Variants in M1AP observed in about 807,000 individuals in gnomAD.
M1AP encodes meiosis 1 arrest protein.
A neutral mutation model predicts 51.2 loss-of-function variants in M1AP; 39 were observed. The observed-to-expected ratio is 0.76, with a 90% confidence interval of 0.59 to 1.00. The LOEUF (loss-of-function observed/expected upper bound fraction) is 1.00. Among genes scored for constraint, M1AP ranks in the 50% least tolerant of loss-of-function variants. The pLI is 0.00. For missense variants in M1AP, 545 were observed against 641.2 expected (o/e 0.85, Z 1.62); for synonymous variants, 251 against 249.2 (o/e 1.01, Z -0.07).
chr2:74,582,873 T>C (rs915191958), intron 4 of M1AP, among the ~76,000 whole-genome samples: 2 of 151,964 alleles, frequency 1.3e-5, no homozygotes, highest in African/African-American at 4.8e-5. Context: ...ATATAAAAAT[T>C]AGCCAGGTGT....
intron 2 of M1AP, chr2:74,619,434 C>A: frequency 6.3e-6 from 1 of 158,098 alleles, no homozygotes; most frequent in East Asian, 1.7e-4. Flanking sequence ...AAAGGATGCT[C>A]TGAGGGAGCA....
intron 4 of M1AP, among the ~76,000 whole-genome samples, chr2:74,595,420 T>C (rs774404317): frequency 9.2e-5 from 14 of 152,156 alleles, no homozygotes; most frequent in Non-Finnish European, 1.9e-4. Flanking sequence ...GGCATGATCA[T>C]GGCTCACTGC....
At chr2:74,577,147 T>A (rs1289818380) in intron 5 of M1AP, among the ~76,000 whole-genome samples, 1 of 152,142 alleles carries the variant, frequency 6.6e-6, no homozygotes, top group African/African-American at 2.4e-5. Flanking sequence ...TGTGGGCTCG[T>A]TCAGGGACAT....
At chr2:74,576,315 T>A in intron 6 of M1AP, 141 bp downstream of exon 6, 1 of 876,474 alleles carries the variant, frequency 1.1e-6, no homozygotes. Context: ...TGCTTCCTCA[T>A]GCCATAGCTG....
chr2:74,630,321 T>TA (rs1191806363), intron 2 of M1AP, among the ~76,000 whole-genome samples: 1 of 152,208 alleles, frequency 6.6e-6, no homozygotes, highest in East Asian at 1.9e-4. Flanking sequence ...CAATGCACCT[T>TA]AAAAAAATTT....
chr2:74,558,575 C>G lies in M1AP; in HGVS notation c.*141G>C, dbSNP rs1677667429. ...GGAGTGGGACAGCACTGAAACAGGA[C>G]AGGAAGGCTGTTGTTTCCCAGTCAG... On this transcript the variant is annotated 3_prime_UTR_variant, in exon 11 of 11. Transcript: ENST00000421985. 1.1e-6 allele frequency: 1 copy of G among 947,146 alleles called. No homozygotes were observed. The highest frequency in any genetic ancestry group is 1.7e-5 in the African/African-American group (1 of 58,992). The allele number at this position is 947,146 out of a possible 1,614,324, so 58.7% of individuals were successfully genotyped here.
rs147344579 is a variant in M1AP, at chr2:74,564,011, C to T, written c.1075-1588G>A. Among the ~76,000 whole-genome samples, 433 of 152,238 alleles carry T rather than the reference C, an allele frequency of 2.8e-3. 3 individuals carry two copies. The highest frequency in any genetic ancestry group is 3.5e-3 in the African/African-American group (147 of 41,540). On this transcript the variant is annotated intron_variant, in intron 7 of 10. Transcript: ENST00000421985. Reference sequence around the variant, plus strand: ...GATCTTCAGTTACATCTGGTACAAACCGTAACAACCTCCCTGCTACATAAG... The same window carrying T: ...GATCTTCAGTTACATCTGGTACAAATCGTAACAACCTCCCTGCTACATAAG...
In M1AP at chr2:74,640,101, TG is replaced by T; in HGVS notation, c.174del (p.Ser59AlafsTer24). Reference sequence around the variant, plus strand: ...TATAAACTGAACAGGGACATGCGGCTGGGGCCCATCAAGCTGCAGGCTAGAG... The same window carrying T: ...TATAAACTGAACAGGGACATGCGGCTGGGCCCATCAAGCTGCAGGCTAGAG... ...FFSLACSLMGPSRMSLFSLYM... is the reference protein window; with the variant it reads ...FFSLACSLMGXSRMSLFSLYM... On this transcript the variant is annotated frameshift_variant, in exon 2 of 11. Coordinates refer to ENST00000421985, the MANE Select transcript of M1AP (RefSeq NM_001321739.2). LOFTEE classifies it high-confidence loss of function. The T allele has an allele frequency of 6.2e-7, 1 of 1,614,190 alleles. No individual in the cohort carries two copies. The highest frequency in any genetic ancestry group is 8.5e-7 in the Non-Finnish European group (1 of 1,180,030).
intron 1 of M1AP, among the ~76,000 whole-genome samples, chr2:74,646,252 A>C (rs1469766733): frequency 1.3e-5 from 2 of 152,204 alleles, no homozygotes; most frequent in Non-Finnish European, 2.9e-5. Context: ...TAAAAACAAA[A>C]ACTGAAAGAG....
At chr2:74,584,101 C>A (rs1679566074) in intron 4 of M1AP, among the ~76,000 whole-genome samples, 1 of 152,020 alleles carries the variant, frequency 6.6e-6, no homozygotes, top group African/African-American at 2.4e-5. Context: ...TATATAAAGT[C>A]ATTGCCAAAA....
rs767390821 is a variant in M1AP, at chr2:74,607,250, G to C, written c.427-27C>G. On this transcript the variant is annotated intron_variant, in intron 3 of 10. Coordinates refer to ENST00000421985, the MANE Select transcript of M1AP (RefSeq NM_001321739.2). ...TGAAAATAAATCCAAGAATCAATGT[G>C]TCTATTCTCCCTGATGTACAGAGTG... 2.5e-6 allele frequency: 4 copies of C among 1,608,520 alleles called. No individual in the cohort carries two copies. In the African/African-American group the frequency reaches 5.3e-5, roughly 21 times the overall value.
Position 74,576,535 on chromosome 2 carries a change from C to T in M1AP, c.853G>A (p.Asp285Asn), listed in dbSNP as rs753051076. The T allele has an allele frequency of 2.5e-6, 4 of 1,613,996 alleles. No individual in the cohort carries two copies. Among genetic ancestry groups the T allele is most frequent in the South Asian group, 1.1e-5 (1 of 91,076 alleles). ...AGTGTGATGAAGTCTCCTTTAGGGT[C>T]ATCCATTCTCAAGGAGCCGTCAGCT... ...GTADGSLRMDDPKGDFITLYQ... is the reference protein window; with the variant it reads ...GTADGSLRMDNPKGDFITLYQ... Residue 285 changes from aspartate to asparagine, a missense_variant, in exon 6 of 11, where the codon GAC (aspartate) becomes AAC (asparagine). Coordinates refer to ENST00000421985, the MANE Select transcript of M1AP (RefSeq NM_001321739.2).
chr2:74,570,647 AG>A (rs1287523489), intron 7 of M1AP, among the ~76,000 whole-genome samples: 1 of 152,236 alleles, frequency 6.6e-6, no homozygotes, highest in African/African-American at 2.4e-5. Flanking sequence ...TTGAACACAC[AG>A]AGATGAGAGA....
At chr2:74,561,085 GAGGAGA>G (rs1558643524) in intron 8 of M1AP, among the ~76,000 whole-genome samples, 14 of 112,576 alleles carry the variant, frequency 1.2e-4, no homozygotes, top group Non-Finnish European at 2.3e-4. Flanking sequence ...GGAGGAGGAG[GAGGAGA>G]AGGAGAAGGA....
intron 7 of M1AP, among the ~76,000 whole-genome samples, chr2:74,567,619 T>C (rs1048070884): frequency 6.6e-6 from 1 of 152,252 alleles, no homozygotes; most frequent in Non-Finnish European, 1.5e-5. Context: ...GTCAGGTACA[T>C]GGTAAGCACC....
intron 1 of M1AP, among the ~76,000 whole-genome samples, chr2:74,644,087 C>T (rs1683462333): frequency 6.6e-6 from 1 of 152,032 alleles, no homozygotes; most frequent in African/African-American, 2.4e-5. Flanking sequence ...AAAAATATGT[C>T]CCCACCTCTG....
chr2:74,560,917 G>A (rs1252181174), intron 8 of M1AP, among the ~76,000 whole-genome samples: 2 of 152,146 alleles, frequency 1.3e-5, no homozygotes, highest in Admixed American at 6.5e-5. Context: ...TTAAGCTAGC[G>A]AGCCAGCAGC....
At chr2:74,576,211 A>G (rs1179846324) in intron 6 of M1AP, among the ~76,000 whole-genome samples, 2 of 152,202 alleles carry the variant, frequency 1.3e-5, no homozygotes, top group Non-Finnish European at 2.9e-5. Context: ...GAGTCAAAAG[A>G]AAAACAATCC....
intron 7 of M1AP, among the ~76,000 whole-genome samples, chr2:74,569,846 G>A (rs879482623): frequency 6.6e-6 from 1 of 152,012 alleles, no homozygotes; most frequent in Non-Finnish European, 1.5e-5. Flanking sequence ...AGGATTGAGA[G>A]AGAACAGGGA....
Sources: gnomAD v4.1 joint callset for allele counts (sites outside exome capture counted in the v4.1 genomes callset) on GRCh38, gnomAD v4.1.1 for gene constraint, MANE v1.5 for transcripts, NCBI Gene and HGNC (gene_info 2026-07-23, HGNC 2026-07-21) for gene names.